ELP4: variants seen among roughly 807,000 people sequenced by gnomAD.
ELP4 encodes the protein elongator complex protein 4.
Under a neutral mutation model 48.9 loss-of-function variants are expected in ELP4, and 51 were observed. The ratio of observed to expected loss-of-function variants is 1.04; its 90% CI spans 0.83 to 1.32. ELP4 has a LOEUF of 1.32. Among genes scored for constraint, ELP4 ranks in the 40% most tolerant of loss-of-function variants. The probability of loss-of-function intolerance (pLI) is 0.00; values close to 1 mark genes in which losing one functional copy is unlikely to be tolerated. For synonymous variants in ELP4, 210 were observed against 189.2 expected (o/e 1.11, Z -0.90); for missense variants, 519 against 514.6 (o/e 1.01, Z -0.08).
At chr11:31,772,955 A>G (rs1421285980) in intron 9 of ELP4, among the ~76,000 whole-genome samples, 1 of 152,120 alleles carries the variant, frequency 6.6e-6, no homozygotes, top group Non-Finnish European at 1.5e-5. Flanking sequence ...TCTGGAAGAA[A>G]CTCCTTTGTC....
intron 9 of ELP4, among the ~76,000 whole-genome samples, chr11:31,743,593 T>C (rs1216271077): frequency 6.6e-6 from 1 of 151,858 alleles, no homozygotes; most frequent in African/African-American, 2.4e-5. Context: ...ATTAAGAAAC[T>C]CACTCAAAAC....
At chr11:31,758,849 G>A (rs1373970741) in intron 9 of ELP4, among the ~76,000 whole-genome samples, 1 of 151,824 alleles carries the variant, frequency 6.6e-6, no homozygotes, top group African/African-American at 2.4e-5. Context: ...TGTATTTTTT[G>A]TAGAGACAAG....
At position 31,586,936 on chromosome 11, in the gene ELP4, G is replaced by A. The variant is rs553685815; in HGVS notation, c.382-7834G>A. On this transcript the variant is annotated intron_variant, in intron 3 of 9. Transcript: ENST00000640961. ...ATTACAGGCGTGAGCCACGGCGACCGGCCAAATATTTTTAAACATGAAGAA... is the reference window on the plus strand; with the variant it reads ...ATTACAGGCGTGAGCCACGGCGACCAGCCAAATATTTTTAAACATGAAGAA... Among the ~76,000 whole-genome samples the A allele has an allele frequency of 3.9e-5, 6 of 152,040 alleles. No homozygotes were observed. In the South Asian group the frequency reaches 8.3e-4, roughly 21 times the overall value.
intron 7 of ELP4, among the ~76,000 whole-genome samples, chr11:31,639,234 TG>T (rs1337122208): frequency 6.6e-6 from 1 of 151,906 alleles, no homozygotes; most frequent in African/African-American, 2.4e-5. Flanking sequence ...ACTCTGAAAT[TG>T]ATTATAAGAA....
intron 9 of ELP4, among the ~76,000 whole-genome samples, chr11:31,772,236 T>C (rs1264242810): frequency 1.3e-5 from 2 of 150,384 alleles, no homozygotes; most frequent in African/African-American, 4.9e-5. Flanking sequence ...TCTCCAATTC[T>C]CATGCCTCAG....
chr11:31,682,887 A>T (rs567417020), intron 9 of ELP4, among the ~76,000 whole-genome samples: 1 of 152,208 alleles, frequency 6.6e-6, no homozygotes, highest in South Asian at 2.1e-4. Context: ...ATCACTTTCT[A>T]TTTATATTAT....
intron 3 of ELP4, among the ~76,000 whole-genome samples, chr11:31,563,846 T>A (rs1169482777): frequency 6.6e-6 from 1 of 152,138 alleles, no homozygotes; most frequent in East Asian, 1.9e-4. Context: ...GAAAGAAAGA[T>A]ATAACAACAA....
chr11:31,751,726 AACTT>A (rs1947724113), intron 9 of ELP4, among the ~76,000 whole-genome samples: 1 of 152,150 alleles, frequency 6.6e-6, no homozygotes, highest in African/African-American at 2.4e-5. Context: ...ACATGTCTAA[AACTT>A]AATTAATCGC....
chr11:31,509,986 C>G lies in ELP4; in HGVS notation c.202C>G (p.Pro68Ala), dbSNP rs1332412501. ...ACAGCTGCTGGTATCAACCGGGCTC[C>G]CAGCCCTAGACCAGCTCTTAGGTCG... ...NGQLLVSTGL[P>A]ALDQLLGGGL... Residue 68 changes from proline (P) to alanine (A), a missense_variant, in exon 1 of 10, where the codon CCA becomes GCA. Transcript: ENST00000640961. The G allele has an allele frequency of 6.2e-7, 1 of 1,612,032 alleles. No homozygotes were observed. Among genetic ancestry groups the G allele is most frequent in the East Asian group, 2.2e-5 (1 of 44,868 alleles).
chr11:31,761,083 C>A (rs889075602), intron 9 of ELP4, among the ~76,000 whole-genome samples: 2 of 152,178 alleles, frequency 1.3e-5, no homozygotes, highest in African/African-American at 4.8e-5. Flanking sequence ...AATGGCAAGG[C>A]TGTTCGCGGT....
chr11:31,608,849 G>T (rs1006973846), intron 5 of ELP4, among the ~76,000 whole-genome samples: 2 of 152,098 alleles, frequency 1.3e-5, no homozygotes, highest in African/African-American at 4.8e-5. Flanking sequence ...AGATAAAGCC[G>T]AGTAGCTGGC....
chr11:31,569,940 A>C (rs1957167936), intron 3 of ELP4, among the ~76,000 whole-genome samples: 2 of 152,238 alleles, frequency 1.3e-5, no homozygotes, highest in African/African-American at 4.8e-5. Context: ...GCCACTGTAG[A>C]GAGCAGTTTG....
chr11:31,752,866 C>T (rs970909437), intron 9 of ELP4, among the ~76,000 whole-genome samples: 1 of 147,252 alleles, frequency 6.8e-6, no homozygotes. Context: ...CTGGAAAGAA[C>T]AATACCAAAC....
At chr11:31,646,026 T>A (rs934723931) in intron 7 of ELP4, 6 of 151,646 alleles carry the variant, frequency 4.0e-5, no homozygotes, top group Non-Finnish European at 8.9e-5. Context: ...CTGGATGAGT[T>A]TGATATAATG....
chr11:31,550,108 G>A (rs1196388837), intron 3 of ELP4, among the ~76,000 whole-genome samples: 1 of 151,468 alleles, frequency 6.6e-6, no homozygotes, highest in Non-Finnish European at 1.5e-5. Context: ...TTGTGCACAT[G>A]TACCCTAAAA....
At chr11:31,775,954 G>A (rs1456375862) in intron 9 of ELP4, among the ~76,000 whole-genome samples, 1 of 151,964 alleles carries the variant, frequency 6.6e-6, no homozygotes, top group Non-Finnish European at 1.5e-5. Context: ...GACAGAGTGA[G>A]ACTTCGTCTC....
chr11:31,721,033 C>G (rs994528412), intron 9 of ELP4, among the ~76,000 whole-genome samples: 2 of 152,152 alleles, frequency 1.3e-5, no homozygotes, highest in African/African-American at 2.4e-5. Flanking sequence ...TATTTAGAGT[C>G]TTGGATTCTT....
rs910786331 is a variant in ELP4 at position 31,789,614 on chromosome 11, C to A, written c.*6090C>A. ...AAACAACTTCATGACCAACACAGAT[C>A]AAACATCCATCCAGTCTACATTGTT... is the stretch of plus-strand genomic sequence containing the variant. On this transcript the variant is annotated 3_prime_UTR_variant, in exon 10 of 10. Transcript: ENST00000640961. The A allele has an allele frequency of 1.1e-5, 7 of 654,680 alleles. No homozygotes were observed. Among genetic ancestry groups the A allele is most frequent in the Admixed American group, 2.5e-5 (1 of 40,314 alleles). The allele number at this position is 654,680 out of a possible 1,614,324, so 40.6% of individuals were successfully genotyped here.
chr11:31,607,257 A>G lies in ELP4; in HGVS notation c.653+3350A>G, dbSNP rs778681040. Among the ~76,000 whole-genome samples, 10 of 152,278 alleles carry G rather than the reference A, an allele frequency of 6.6e-5. No individual in the cohort carries two copies. In the South Asian group the frequency reaches 1.2e-3, roughly 19 times the overall value. ...CTATGGTATTTTGTTATGGCATCCTATCTTTGTCCATTTGTGATGCTATAA... is the reference window on the plus strand; with the variant it reads ...CTATGGTATTTTGTTATGGCATCCTGTCTTTGTCCATTTGTGATGCTATAA... On this transcript the variant is annotated intron_variant, in intron 5 of 9. Coordinates refer to ENST00000640961, the MANE Select transcript of ELP4 (RefSeq NM_019040.5).
Sources: allele counts gnomAD v4.1 joint callset (sites outside exome capture counted in the v4.1 genomes callset), GRCh38; gene constraint gnomAD v4.1.1; transcripts MANE v1.5; gene names NCBI Gene and HGNC (gene_info 2026-07-23, HGNC 2026-07-21).